TOMM20L: variants seen among roughly 807,000 people sequenced by gnomAD.
TOMM20L encodes the protein translocase of outer mitochondrial membrane 20 like.
TOMM20L carries 19 observed loss-of-function variants against 20.4 expected under a neutral mutation model. The ratio of observed to expected loss-of-function variants is 0.93; its 90% CI spans 0.65 to 1.36. The LOEUF is 1.36. Ranked by LOEUF, TOMM20L falls within the 40% of genes most tolerant of loss-of-function variation. The probability of loss-of-function intolerance (pLI) is 0.00; values close to 1 mark genes in which losing one functional copy is unlikely to be tolerated. For synonymous variants in TOMM20L, 75 were observed against 79.6 expected, an observed-to-expected ratio of 0.94 and a Z score of 0.30; for missense variants, 218 against 203.7, an observed-to-expected ratio of 1.07 and a Z score of -0.43.
At chr14:58,401,931 GA>G (rs1391630654) in intron 2 of TOMM20L, among the ~76,000 whole-genome samples, 4 of 152,182 alleles carry the variant, frequency 2.6e-5, no homozygotes, top group Non-Finnish European at 5.9e-5. Flanking sequence ...CCCGATTAGA[GA>G]GTTACTGCTA....
At position 58,404,117 on chromosome 14, in the gene TOMM20L, A is replaced by ATT. The variant is rs1198718876; in HGVS notation, c.262+1357_262+1358insTT. The stretch of plus-strand genomic sequence containing the variant: ...TATATATGTATATATATATATATAT[A>ATT]TATTTTTTTTTTTTTTTTTTTTTTT... On this transcript the variant is annotated intron_variant, in intron 3 of 4. Transcript: ENST00000360945. Among the ~76,000 whole-genome samples the ATT allele has an allele frequency of 3.6e-3, 49 of 13,454 alleles. 3 individuals carry two copies. Among genetic ancestry groups the ATT allele is most frequent in the Non-Finnish European group, 5.8e-3 (31 of 5,390 alleles). 8.8% of individuals were successfully genotyped at this position (13,454 alleles called of 152,430 possible). A position where few individuals can be genotyped will look rare whatever the true frequency, so the allele number is the denominator to read the frequency against.
intron 4 of TOMM20L, 132 bp from the exon 5 acceptor site, chr14:58,408,397 A>T (rs1339157842): frequency 1.3e-6 from 1 of 745,544 alleles, no homozygotes; most frequent in African/African-American, 1.8e-5. Flanking sequence ...ATCCTGGGTG[A>T]CGAAAGCAAA....
chr14:58,415,748 C>G, the TOMM20L span, among the ~76,000 whole-genome samples: 2 of 151,706 alleles, frequency 1.3e-5, no homozygotes, highest in South Asian at 4.2e-4. Context: ...CATTAGAGTC[C>G]AAGAAGGAGA....
chr14:58,396,260 G>C lies in TOMM20L; in HGVS notation c.137-38G>C, dbSNP rs368525047. The C allele has an allele frequency of 2.5e-6, 4 of 1,611,184 alleles. No individual in the cohort carries two copies. The South Asian group carries it at 4.4e-5, about 18-fold the overall frequency. ...ACTGGGCCCACGCGTGCCTCTGGAC[G>C]GGCCTCCCAGCCAGCATGTGCCGTG... On this transcript the variant is annotated intron_variant, in intron 1 of 4. Transcript: ENST00000360945.
chr14:58,396,057 C>T lies in TOMM20L; in HGVS notation c.100C>T (p.Arg34Cys). ...TTGTATTTACCTCAACCGGAAGCGG[C>T]GCGGGGACCCCGCGTTCAAGCGCCG... is the stretch of plus-strand genomic sequence containing the variant. ...GYCIYLNRKR[R>C]GDPAFKRRLR... is the part of the protein sequence containing the mutation. Residue 34 changes from arginine to cysteine, a missense_variant, in exon 1 of 5, where the codon CGC becomes TGC. Coordinates refer to ENST00000360945, the MANE Select transcript of TOMM20L (RefSeq NM_207377.3). 7.1e-7 allele frequency: 1 copy of T among 1,413,490 alleles called. No homozygotes were observed. 87.6% of individuals were successfully genotyped at this position (1,413,490 alleles called of 1,614,324 possible).
At chr14:58,404,097 A>ATGTGTGTG (rs369989732) in intron 3 of TOMM20L, among the ~76,000 whole-genome samples, 5 of 7,042 alleles carry the variant, frequency 7.1e-4, no homozygotes, top group Admixed American at 4.8e-3. Flanking sequence ...ATACATATAT[A>ATGTGTGTG]TGTATATATA....
At chr14:58,410,972 G>T (rs1446369259), downstream of TOMM20L, 1 of 1,499,226 alleles carries the variant, frequency 6.7e-7, no homozygotes, top group Non-Finnish European at 9.1e-7. Context: ...TTAGTATTTG[G>T]TTTTTAAAAC....
At chr14:58,409,563 T>C (rs934315605), downstream of TOMM20L, among the ~76,000 whole-genome samples, 1 of 152,096 alleles carries the variant, frequency 6.6e-6, no homozygotes, top group Non-Finnish European at 1.5e-5. Flanking sequence ...ACCTTTTACT[T>C]ATTTTAATTT....
intron 4 of TOMM20L, 106 bp downstream of exon 4, chr14:58,407,574 TAAA>T: frequency 7.9e-7 from 1 of 1,265,906 alleles, no homozygotes; most frequent in East Asian, 2.8e-5. Flanking sequence ...CCCAAAATCT[TAAA>T]TAAGTGAAAT....
At chr14:58,399,930 T>TATATATA (rs2035973076) in intron 2 of TOMM20L, among the ~76,000 whole-genome samples, 1 of 67,826 alleles carries the variant, frequency 1.5e-5, no homozygotes, top group Non-Finnish European at 3.1e-5. Context: ...ATATATATAT[T>TATATATA]CCACTTGTCT....
chr14:58,417,077 A>AGAG, the TOMM20L span, among the ~76,000 whole-genome samples: 1 of 152,156 alleles, frequency 6.6e-6, no homozygotes, highest in East Asian at 1.9e-4. Context: ...GGTTTTATCA[A>AGAG]GAGGAGATCC....
chr14:58,412,145 A>AT, downstream of TOMM20L: 1 of 509,160 alleles, frequency 2.0e-6, no homozygotes, highest in Non-Finnish European at 3.5e-6. Context: ...TGAGAATTAG[A>AT]TTTTCTTTTT....
intron 2 of TOMM20L, among the ~76,000 whole-genome samples, chr14:58,398,226 G>A (rs1220186709): frequency 6.6e-6 from 1 of 152,130 alleles, no homozygotes; most frequent in Non-Finnish European, 1.5e-5. Context: ...AATGCTTTCC[G>A]TTTATTACAC....
downstream of TOMM20L, chr14:58,409,173 G>A: frequency 3.1e-6 from 5 of 1,609,836 alleles, no homozygotes; most frequent in Non-Finnish European, 4.2e-6. Context: ...GGTGGTCTAG[G>A]AATGAAAAGG....
At position 58,402,677 on chromosome 14, in the gene TOMM20L, T is replaced by G. The variant is rs2036006457; in HGVS notation, c.181-3T>G. The G allele has an allele frequency of 6.2e-7, 1 of 1,608,472 alleles. No homozygotes were observed. Among genetic ancestry groups the G allele is most frequent in the African/African-American group, 1.3e-5 (1 of 74,840 alleles). On this transcript the variant is annotated splice_region_variant and splice_polypyrimidine_tract_variant and intron_variant, in intron 2 of 4. Transcript: ENST00000360945. ...ATTGTTGAATATTTTATGAATATTTTAGTTGTGGGATCCAACGAAGAATAA... is the reference window on the plus strand; with the variant it reads ...ATTGTTGAATATTTTATGAATATTTGAGTTGTGGGATCCAACGAAGAATAA...
At chr14:58,409,072 G>T, downstream of TOMM20L, 1 of 1,613,786 alleles carries the variant, frequency 6.2e-7, no homozygotes, top group African/African-American at 1.3e-5. Flanking sequence ...TTGGCTGCCA[G>T]GGCTTCATTC....
At chr14:58,410,717 A>G (rs2036188076), downstream of TOMM20L, 1 of 647,930 alleles carries the variant, frequency 1.5e-6, no homozygotes, top group African/African-American at 1.8e-5. Flanking sequence ...AGTTCTTCCA[A>G]GCAATGGAAC....
At chr14:58,398,273 C>T (rs2035951402) in intron 2 of TOMM20L, among the ~76,000 whole-genome samples, 1 of 152,210 alleles carries the variant, frequency 6.6e-6, no homozygotes, top group African/African-American at 2.4e-5. Context: ...TTTTACTCTC[C>T]ATTGTTTCCA....
downstream of TOMM20L, among the ~76,000 whole-genome samples, chr14:58,412,436 G>A (rs1430275182): frequency 9.2e-5 from 14 of 152,150 alleles, no homozygotes; most frequent in East Asian, 5.8e-4. Context: ...CGCCGTGCCC[G>A]GCCAGAGAAT....
Sources: allele counts gnomAD v4.1 joint callset (sites outside exome capture counted in the v4.1 genomes callset), GRCh38; gene constraint gnomAD v4.1.1; transcripts MANE v1.5; gene names NCBI Gene and HGNC (gene_info 2026-07-23, HGNC 2026-07-21).